SUSD3: variants seen among roughly 807,000 people sequenced by gnomAD.
SUSD3 encodes sushi domain-containing protein 3.
A neutral mutation model predicts 20.6 loss-of-function variants in SUSD3; 18 were observed. The ratio of observed to expected loss-of-function variants is 0.87; its 90% CI spans 0.60 to 1.30. SUSD3 has a LOEUF of 1.30. SUSD3 is among the 50% of genes most tolerant of loss of function. SUSD3 has a pLI of 0.00. For synonymous variants in SUSD3, 137 were observed against 141.5 expected (o/e 0.97, Z 0.23); for missense variants, 306 against 346.9 (o/e 0.88, Z 0.94).
chr9:93,059,929 TTTGGTG>T (rs1476258706), intron 1 of SUSD3, among the ~76,000 whole-genome samples: 1 of 152,162 alleles, frequency 6.6e-6, no homozygotes, highest in Non-Finnish European at 1.5e-5. Flanking sequence ...GAGTCCCTAA[TTTGGTG>T]TTGGGGTGAT....
In SUSD3 at chr9:93,083,551, T is replaced by C. The variant is rs564370272; in HGVS notation, c.558-986T>C. On this transcript the variant is annotated intron_variant, in intron 4 of 4. Transcript: ENST00000375472. ...GCACTGTTCTGAACTCTTCCAAATA[T>C]TAACTCTTTTCACCTAGGGGTGGGT... 2.2e-3 allele frequency among the ~76,000 whole-genome samples: 334 copies of C among 152,336 alleles called. 1 individual carries two copies. The highest frequency in any genetic ancestry group is 3.1e-3 in the Non-Finnish European group (211 of 68,028).
Position 93,077,997 on chromosome 9 carries a change from C to T in SUSD3, c.425+4C>T, listed in dbSNP as rs988703622. The T allele has an allele frequency of 6.2e-6, 10 of 1,614,130 alleles. No individual in the cohort carries two copies. Among genetic ancestry groups the T allele is most frequent in the South Asian group, 1.1e-5 (1 of 91,088 alleles). On this transcript the variant is annotated splice_donor_region_variant and intron_variant, in intron 3 of 4. Coordinates refer to ENST00000375472, the MANE Select transcript of SUSD3 (RefSeq NM_145006.4). ...GCAAGCGGCGGCGCTCCAACAGGTA[C>T]GGTGGCCTCATGATCTCAGGGTCCT...
In SUSD3 at chr9:93,084,619, C is replaced by T; in HGVS notation, c.640C>T (p.Leu214Phe). Residue 214 changes from leucine to phenylalanine, a missense_variant, in exon 5 of 5, where the codon CTC (leucine) becomes TTC (phenylalanine). Transcript: ENST00000375472. The part of the protein sequence containing the change: ...KDPGIPRALS[L>F]SGSSSSPQAQ... ...CCCTGGGATCCCCAGAGCTCTAAGC[C>T]TCAGTGGCTCCTCCAGCTCACCCCA... 1 of 1,610,582 alleles carries T rather than the reference C, an allele frequency of 6.2e-7. No individual in the cohort carries two copies. Among genetic ancestry groups the T allele is most frequent in the Non-Finnish European group, 8.5e-7 (1 of 1,178,418 alleles).
chr9:93,075,735 T>TTCCCCCCCCCCCCCCCCCCCCCCCCCC, intron 1 of SUSD3, 49 bp from the exon 2 acceptor site: 7 of 247,428 alleles, frequency 2.8e-5, no homozygotes, highest in South Asian at 7.0e-5. Context: ...CTGCCCTGCG[T>TTCCCCCCCCCCCCCCCCCCCCCCCCCC]GCCCACCCCC....
At chr9:93,060,572 C>T (rs993745745) in intron 1 of SUSD3, among the ~76,000 whole-genome samples, 4 of 152,162 alleles carry the variant, frequency 2.6e-5, no homozygotes, top group Non-Finnish European at 5.9e-5. Flanking sequence ...TGGCTCATGC[C>T]TCTAATCCCA....
intron 1 of SUSD3, among the ~76,000 whole-genome samples, chr9:93,070,801 C>T (rs532754304): frequency 2.3e-4 from 35 of 152,346 alleles, no homozygotes; most frequent in Middle Eastern, 6.8e-3. Flanking sequence ...GGCTGGAACC[C>T]GTGTGTTCGT....
intron 1 of SUSD3, among the ~76,000 whole-genome samples, chr9:93,074,538 C>T (rs1388850178): frequency 2.7e-5 from 4 of 145,486 alleles, no homozygotes; most frequent in African/African-American, 5.1e-5. Flanking sequence ...CTGCTGGAGG[C>T]GTGGGTTGTT....
At chr9:93,066,827 G>A (rs1825734863) in intron 1 of SUSD3, among the ~76,000 whole-genome samples, 1 of 152,114 alleles carries the variant, frequency 6.6e-6, no homozygotes, top group African/African-American at 2.4e-5. Context: ...CCCTGCCTCA[G>A]CCTCCTGAGT....
Position 93,077,959 on chromosome 9 carries a change from T to G in SUSD3, c.391T>G (p.Cys131Gly). ...CTTCCTCACCTGCTGCCTCCTCAAG[T>G]GCGTGAAGAAGAGCAAGCGGCGGCG... is the stretch of plus-strand genomic sequence containing the variant. ...MAFLTCCLLKCVKKSKRRRSN... is the reference protein window; with the variant it reads ...MAFLTCCLLKGVKKSKRRRSN... The change falls in exon 3 of 5, where the codon TGC becomes GGC. Residue 131 changes from cysteine (C) to glycine (G), a missense_variant. Physicochemically the swap from Cys to Gly is radical, Grantham distance 159. Coordinates refer to ENST00000375472, the MANE Select transcript of SUSD3 (RefSeq NM_145006.4). 1 of 1,614,194 alleles carries G rather than the reference T, an allele frequency of 6.2e-7. No homozygotes were observed. Among genetic ancestry groups the G allele is most frequent in the Non-Finnish European group, 8.5e-7 (1 of 1,180,032 alleles).
At chr9:93,077,769 C>A (rs1826225401) in intron 2 of SUSD3, 77 bp from the exon 3 acceptor site, 1 of 1,556,562 alleles carries the variant, frequency 6.4e-7, no homozygotes, top group Non-Finnish European at 8.8e-7. Flanking sequence ...CCCGTACCAC[C>A]CCTGAGACCC....
At chr9:93,069,121 A>G in intron 1 of SUSD3, 1 of 702,842 alleles carries the variant, frequency 1.4e-6, no homozygotes, top group Non-Finnish European at 2.6e-6. Context: ...AGGCCTTGTG[A>G]TGGAATGGGA....
Position 93,084,496 on chromosome 9 carries a change from A to G in SUSD3, c.558-41A>G, listed in dbSNP as rs766253188. ...GGTATGGAGTTGGGGATTAAACCCT[A>G]TCCACACTCTTTTGCCAACTCATGC... On this transcript the variant is annotated intron_variant, in intron 4 of 4. Coordinates refer to ENST00000375472, the MANE Select transcript of SUSD3 (RefSeq NM_145006.4). 10 of 1,528,140 alleles carry G rather than the reference A, an allele frequency of 6.5e-6. No individual in the cohort carries two copies. The East Asian group carries it at 1.9e-4, about 29-fold the overall frequency. 94.7% of individuals were successfully genotyped at this position (1,528,140 alleles called of 1,614,324 possible).
At chr9:93,060,944 A>G (rs550027132) in intron 1 of SUSD3, among the ~76,000 whole-genome samples, 57 of 152,238 alleles carry the variant, frequency 3.7e-4, no homozygotes, top group Non-Finnish European at 6.9e-4. Flanking sequence ...TGAAGAGCAC[A>G]GTAGTGTGGA....
intron 1 of SUSD3, among the ~76,000 whole-genome samples, chr9:93,059,662 G>A (rs902330501): frequency 6.6e-6 from 1 of 152,160 alleles, no homozygotes; most frequent in African/African-American, 2.4e-5. Context: ...GGCGTTGCGG[G>A]GCTAAGGCTC....
At chr9:93,076,185 ACCGAAAACCTAGTAGCGGG>A (rs1564192415) in intron 2 of SUSD3, among the ~76,000 whole-genome samples, 3 of 152,072 alleles carry the variant, frequency 2.0e-5, no homozygotes, top group Non-Finnish European at 4.4e-5. Context: ...GGCAGCACGG[ACCGAAAACCTAGTAGCGGG>A]CCTCCAATCC....
rs188692745 is a variant in SUSD3, at chr9:93,065,174, A to G, written c.88+6344A>G. 2.3e-3 allele frequency among the ~76,000 whole-genome samples: 343 copies of G among 152,176 alleles called. 1 individual carries two copies. The highest frequency in any genetic ancestry group is 3.9e-3 in the Non-Finnish European group (266 of 68,004). ...GGGATGCTCAAGGTCTTCCGCCAGC[A>G]TTTTTCTTTTGAACGTGCAGCAGAG... On this transcript the variant is annotated intron_variant, in intron 1 of 4. Coordinates refer to ENST00000375472, the MANE Select transcript of SUSD3 (RefSeq NM_145006.4).
intron 2 of SUSD3, among the ~76,000 whole-genome samples, chr9:93,077,608 C>G (rs1826219676): frequency 6.6e-6 from 1 of 152,166 alleles, no homozygotes; most frequent in Admixed American, 6.5e-5. Context: ...CTCAAATAAC[C>G]TGCTTCTTGG....
rs770495163 is a variant in SUSD3, at chr9:93,077,889, C to T, written c.321C>T (p.Ile107=). 58 of 1,614,080 alleles carry T rather than the reference C, an allele frequency of 3.6e-5. No individual in the cohort carries two copies. The highest frequency in any genetic ancestry group is 4.0e-5 in the Non-Finnish European group (47 of 1,180,028). The change falls in exon 3 of 5, where the codon ATC becomes ATT. Residue 107 remains isoleucine, a synonymous_variant. Coordinates refer to ENST00000375472, the MANE Select transcript of SUSD3 (RefSeq NM_145006.4). The part of the protein sequence containing the change: ...HETFGFKVAV[I]ASIVSCAIIL... ...CCTTTGGCTTCAAGGTGGCCGTGAT[C>T]GCCTCCATTGTGAGCTGTGCCATCA... is the stretch of plus-strand genomic sequence containing the variant.
chr9:93,075,149 T>C (rs1826077636), intron 1 of SUSD3, among the ~76,000 whole-genome samples: 1 of 152,230 alleles, frequency 6.6e-6, no homozygotes, highest in South Asian at 2.1e-4. Context: ...TTTTCATGAC[T>C]GTGGGCCACT....
Sources: allele counts gnomAD v4.1 joint callset (sites outside exome capture counted in the v4.1 genomes callset), GRCh38; gene constraint gnomAD v4.1.1; transcripts MANE v1.5; gene names NCBI Gene and HGNC (gene_info 2026-07-23, HGNC 2026-07-21).